Variants in DCC observed in about 807,000 individuals in gnomAD.
The protein encoded by DCC is netrin receptor DCC.
Under a neutral mutation model 172.5 loss-of-function variants are expected in DCC, and 58 were observed. The observed-to-expected ratio is 0.34, with a 90% CI of 0.27 to 0.42. The LOEUF is 0.42. Ranked by LOEUF, DCC falls within the 10% of genes least tolerant of loss-of-function variation. The probability of loss-of-function intolerance (pLI) is 1.00; values close to 1 mark genes in which losing one functional copy is unlikely to be tolerated. For synonymous variants in DCC, 709 were observed against 644.5 expected (o/e 1.10, Z -1.52); for missense variants, 1,740 against 1,791.0 (o/e 0.97, Z 0.51).
chr18:52,390,428 A>G lies in DCC; in HGVS notation c.91+49550A>G, dbSNP rs79013657. Among the ~76,000 whole-genome samples the G allele has an allele frequency of 1.8e-3, 274 of 152,216 alleles. 7 individuals are homozygous for G. In the East Asian group the frequency reaches 0.038, roughly 21 times the overall value. On this transcript the variant is annotated intron_variant, in intron 1 of 28. Coordinates refer to ENST00000442544, the MANE Select transcript of DCC (RefSeq NM_005215.4). ...CTCCTGGGAAGCCTGGCAGAGGTTTACCCTGCCTACAGACACTCCAATTTA... is the reference window on the plus strand; with the variant it reads ...CTCCTGGGAAGCCTGGCAGAGGTTTGCCCTGCCTACAGACACTCCAATTTA...
At chr18:52,866,521 A>G (rs2039231648) in intron 2 of DCC, among the ~76,000 whole-genome samples, 1 of 152,198 alleles carries the variant, frequency 6.6e-6, no homozygotes. Context: ...CCTATCCATG[A>G]GCATGGAATG....
At chr18:53,403,956 T>G (rs1909481808) in intron 19 of DCC, among the ~76,000 whole-genome samples, 1 of 152,214 alleles carries the variant, frequency 6.6e-6, no homozygotes, top group Non-Finnish European at 1.5e-5. Flanking sequence ...AGAATTTTTA[T>G]TCGAGCTGAC....
At chr18:53,065,325 C>T (rs2042550358) in intron 6 of DCC, among the ~76,000 whole-genome samples, 1 of 152,132 alleles carries the variant, frequency 6.6e-6, no homozygotes, top group South Asian at 2.1e-4. Context: ...CGAAGATAAA[C>T]TGAATTAGTA....
At chr18:52,879,247 AG>A (rs1342739734) in intron 2 of DCC, among the ~76,000 whole-genome samples, 1 of 151,966 alleles carries the variant, frequency 6.6e-6, no homozygotes. Flanking sequence ...GTTTCATTTG[AG>A]GGAATAAAGT....
At chr18:52,626,450 C>CA (rs1555705609) in intron 1 of DCC, among the ~76,000 whole-genome samples, 1 of 149,206 alleles carries the variant, frequency 6.7e-6, no homozygotes, top group Non-Finnish European at 1.5e-5. Flanking sequence ...AGTCTCTCTG[C>CA]TTTTTTTTTT....
intron 12 of DCC, among the ~76,000 whole-genome samples, chr18:53,291,314 G>A (rs866486920): frequency 2.6e-5 from 4 of 151,806 alleles, no homozygotes; most frequent in African/African-American, 4.8e-5. Context: ...TTTATCATGA[G>A]GGCATTATTA....
intron 2 of DCC, among the ~76,000 whole-genome samples, chr18:52,806,227 C>G (rs2038080914): frequency 6.6e-6 from 1 of 152,144 alleles, no homozygotes; most frequent in Non-Finnish European, 1.5e-5. Flanking sequence ...TAAGAGACTT[C>G]CCATACACCC....
At chr18:53,013,698 TA>T (rs772056355) in intron 5 of DCC, among the ~76,000 whole-genome samples, 2,993 of 135,628 alleles carry the variant, frequency 0.022, 16 homozygotes, top group African/African-American at 0.024. Flanking sequence ...TCCCAGAACT[TA>T]AAAAAAAAAA....
At chr18:53,428,556 T>TTA (rs770856556) in intron 21 of DCC, among the ~76,000 whole-genome samples, 29,072 of 45,520 alleles carry the variant, frequency 0.64, 11,698 homozygotes, top group African/African-American at 0.7. Context: ...ATAAATATAT[T>TTA]TATATATATA....
At chr18:52,388,670 G>A (rs1985913435) in intron 1 of DCC, among the ~76,000 whole-genome samples, 1 of 152,028 alleles carries the variant, frequency 6.6e-6, no homozygotes, top group Non-Finnish European at 1.5e-5. Flanking sequence ...AAACTGGAGA[G>A]AGAAGGTGAG....
chr18:52,367,796 G>T (rs1296582966), intron 1 of DCC, among the ~76,000 whole-genome samples: 1 of 152,208 alleles, frequency 6.6e-6, no homozygotes, highest in African/African-American at 2.4e-5. Context: ...ACTGAGGGAA[G>T]AAGTTGAAAT....
chr18:52,366,906 C>G (rs1984890319), intron 1 of DCC, among the ~76,000 whole-genome samples: 1 of 152,240 alleles, frequency 6.6e-6, no homozygotes, highest in Admixed American at 6.5e-5. Context: ...TGCGCTCGCA[C>G]TCCTCAGCCC....
chr18:53,369,191 C>G (rs986404453), intron 15 of DCC, among the ~76,000 whole-genome samples: 46 of 151,808 alleles, frequency 3.0e-4, no homozygotes, highest in Non-Finnish European at 1.3e-4. Flanking sequence ...ATTTTTTGTA[C>G]TATTATAAAT....
At chr18:53,320,413 G>A (rs1483232813) in intron 13 of DCC, among the ~76,000 whole-genome samples, 1 of 152,162 alleles carries the variant, frequency 6.6e-6, no homozygotes, top group Non-Finnish European at 1.5e-5. Flanking sequence ...TTTTAAATAA[G>A]AGCATTATGA....
intron 14 of DCC, among the ~76,000 whole-genome samples, chr18:53,327,450 T>C (rs1832782697): frequency 3.9e-5 from 6 of 152,206 alleles, no homozygotes; most frequent in Admixed American, 3.9e-4. Context: ...AATCTGTTTA[T>C]GATACTTTTG....
rs530643202 is a variant in DCC at position 53,429,474 on chromosome 18, A to C, written c.3164-5670A>C. Among the ~76,000 whole-genome samples, 13 of 152,072 alleles carry C rather than the reference A, an allele frequency of 8.5e-5. No homozygotes were observed. In the East Asian group the frequency reaches 2.5e-3, roughly 29 times the overall value. Reference sequence around the variant, plus strand: ...TATTCGTGTGTGAAATTATTATCTTAGTTTTGAATTTGATTTCTAAGGATT... The same window carrying C: ...TATTCGTGTGTGAAATTATTATCTTCGTTTTGAATTTGATTTCTAAGGATT... On this transcript the variant is annotated intron_variant, in intron 21 of 28. Coordinates refer to ENST00000442544, the MANE Select transcript of DCC (RefSeq NM_005215.4).
chr18:53,003,426 C>A lies in DCC; in HGVS notation c.986-59879C>A, dbSNP rs146037535. ...CTAAGGGGAGAGATTTTGGTTGGGA[C>A]CACACAGATGTGGGAAAATAGGTCA... On this transcript the variant is annotated intron_variant, in intron 5 of 28. Coordinates refer to ENST00000442544, the MANE Select transcript of DCC (RefSeq NM_005215.4). 7.4e-3 allele frequency among the ~76,000 whole-genome samples: 1,115 copies of A among 150,804 alleles called. 12 individuals carry two copies. Among genetic ancestry groups the A allele is most frequent in the Admixed American group, 8.8e-3 (134 of 15,154 alleles).
Position 52,768,884 on chromosome 18 carries a change from TAAAC to T in DCC, c.412+16513_412+16516del, listed in dbSNP as rs1236345059. 3.9e-5 allele frequency among the ~76,000 whole-genome samples: 6 copies of T among 152,172 alleles called. No individual in the cohort carries two copies. In the East Asian group the frequency reaches 5.8e-4, roughly 15 times the overall value. On this transcript the variant is annotated intron_variant, in intron 2 of 28. Coordinates refer to ENST00000442544, the MANE Select transcript of DCC (RefSeq NM_005215.4). ...GAATTAGAAAAGGGTGAGGGAGAAA[TAAAC>T]AAGGAAGCAACAGAAGAGAAAAATA...
At chr18:53,311,515 G>T (rs1046964981) in intron 13 of DCC, among the ~76,000 whole-genome samples, 7 of 152,182 alleles carry the variant, frequency 4.6e-5, no homozygotes, top group African/African-American at 1.7e-4. Context: ...CAGGTGAATT[G>T]TGTGTTGTCT....
Sources: gnomAD v4.1 joint callset for allele counts (sites outside exome capture counted in the v4.1 genomes callset) on GRCh38, gnomAD v4.1.1 for gene constraint, MANE v1.5 for transcripts, NCBI Gene and HGNC (gene_info 2026-07-23, HGNC 2026-07-21) for gene names.